The following PDE4D variants were observed in gnomAD, a reference collection of about 807,000 sequenced individuals.
PDE4D encodes the protein 3',5'-cyclic-AMP phosphodiesterase 4D.
PDE4D carries 24 observed loss-of-function variants against 87.4 expected under a neutral mutation model. The observed-to-expected ratio is 0.27, with a 90% CI of 0.20 to 0.39. The LOEUF is 0.39. Ranked by LOEUF, PDE4D falls within the 10% of genes least tolerant of loss-of-function variation. PDE4D has a pLI of 1.00. For missense variants in PDE4D, 714 were observed against 1,041.0 expected (o/e 0.69, Z 4.32); for synonymous variants, 384 against 383.2 (o/e 1.00, Z -0.02).
intron 1 of PDE4D, among the ~76,000 whole-genome samples, chr5:59,407,230 C>T (rs1245086353): frequency 6.6e-6 from 1 of 152,180 alleles, no homozygotes. Context: ...CACCTTCCTT[C>T]CCGCTCTCTC....
At chr5:59,588,713 C>T (rs1358476076) in intron 1 of PDE4D, among the ~76,000 whole-genome samples, 1 of 152,142 alleles carries the variant, frequency 6.6e-6, no homozygotes, top group African/African-American at 2.4e-5. Context: ...GGAAGAAGAA[C>T]TGGGTGATTC....
At chr5:59,452,471 C>A (rs1799312359) in intron 1 of PDE4D, among the ~76,000 whole-genome samples, 1 of 152,168 alleles carries the variant, frequency 6.6e-6, no homozygotes, top group Non-Finnish European at 1.5e-5. Context: ...CAACTACCGC[C>A]CCTGGACTAG....
chr5:60,192,142 T>A (rs1213514401), intron 1 of PDE4D, among the ~76,000 whole-genome samples: 1 of 152,202 alleles, frequency 6.6e-6, no homozygotes, highest in Non-Finnish European at 1.5e-5. Flanking sequence ...ATGAATGTTT[T>A]AATTAATAAG....
chr5:60,334,205 A>C (rs1757550849), intron 1 of PDE4D, among the ~76,000 whole-genome samples: 1 of 152,166 alleles, frequency 6.6e-6, no homozygotes, highest in Non-Finnish European at 1.5e-5. Flanking sequence ...TATGTAAACA[A>C]GTCCTGTATA....
intron 1 of PDE4D, among the ~76,000 whole-genome samples, chr5:60,509,498 A>T (rs1396340552): frequency 6.6e-6 from 1 of 152,232 alleles, no homozygotes; most frequent in Non-Finnish European, 1.5e-5. Context: ...GATAATGAAG[A>T]TTGACCATAC....
intron 1 of PDE4D, among the ~76,000 whole-genome samples, chr5:60,517,677 G>C (rs558907678): frequency 3.3e-4 from 50 of 152,260 alleles, no homozygotes; most frequent in Admixed American, 4.6e-4. Context: ...CTGCAGGCTT[G>C]ACAGGACAAC....
chr5:60,237,648 C>T (rs941514215), intron 1 of PDE4D, among the ~76,000 whole-genome samples: 4 of 151,954 alleles, frequency 2.6e-5, no homozygotes, highest in African/African-American at 9.7e-5. Context: ...ACTATAAAAG[C>T]ATAGCACAAG....
intron 1 of PDE4D, among the ~76,000 whole-genome samples, chr5:59,661,897 G>A (rs1745308524): frequency 6.6e-6 from 1 of 152,168 alleles, no homozygotes; most frequent in South Asian, 2.1e-4. Context: ...AACATTATAT[G>A]CTATTATAGA....
At chr5:60,331,899 T>C (rs906983182) in intron 1 of PDE4D, among the ~76,000 whole-genome samples, 2 of 152,360 alleles carry the variant, frequency 1.3e-5, no homozygotes. Context: ...AGCTATTTTA[T>C]AGGAATGCTA....
intron 2 of PDE4D, among the ~76,000 whole-genome samples, chr5:60,149,903 TA>T (rs1235131071): frequency 6.8e-6 from 1 of 147,506 alleles, no homozygotes; most frequent in Admixed American, 6.8e-5. Flanking sequence ...TTATATATAC[TA>T]GTATATAATT....
At chr5:59,542,241 CA>C (rs1384630052) in intron 1 of PDE4D, among the ~76,000 whole-genome samples, 1 of 152,078 alleles carries the variant, frequency 6.6e-6, no homozygotes, top group Non-Finnish European at 1.5e-5. Context: ...CCCTCACAGC[CA>C]CCCAAATCCT....
intron 1 of PDE4D, among the ~76,000 whole-genome samples, chr5:59,764,332 T>G (rs543923914): frequency 6.6e-5 from 10 of 152,328 alleles, no homozygotes; most frequent in African/African-American, 2.4e-4. Flanking sequence ...ACTTAATTTA[T>G]ACATAATTGT....
chr5:59,520,665 T>TA (rs775783011), intron 1 of PDE4D, among the ~76,000 whole-genome samples: 142 of 148,552 alleles, frequency 9.6e-4, no homozygotes, highest in Non-Finnish European at 1.4e-3. Flanking sequence ...GAACCTTTAT[T>TA]AAAAAAAAAA....
intron 3 of PDE4D, 45 bp downstream of exon 3, chr5:59,193,455 T>C (rs748106637): frequency 6.4e-7 from 1 of 1,572,312 alleles, no homozygotes; most frequent in Admixed American, 1.7e-5. Context: ...CAAATTAAAT[T>C]TTTACATCTG....
chr5:60,432,660 C>A (rs773770038), intron 1 of PDE4D, among the ~76,000 whole-genome samples: 1 of 152,136 alleles, frequency 6.6e-6, no homozygotes, highest in African/African-American at 2.4e-5. Context: ...GGAGGAATCA[C>A]ATCACTTAAC....
intron 1 of PDE4D, among the ~76,000 whole-genome samples, chr5:59,783,284 G>C (rs1045991283): frequency 6.6e-6 from 1 of 152,180 alleles, no homozygotes; most frequent in Non-Finnish European, 1.5e-5. Context: ...ATCTCTCAGG[G>C]TGTGACCCAG....
At chr5:59,809,825 G>A (rs2938783) in intron 1 of PDE4D, among the ~76,000 whole-genome samples, 79,652 of 152,006 alleles carry the variant, frequency 0.52, 21,516 homozygotes, top group African/African-American at 0.61. Flanking sequence ...AGAGTCAGAG[G>A]ACCAGAGTTA....
chr5:59,200,526 C>T (rs1746939918), intron 2 of PDE4D, among the ~76,000 whole-genome samples: 1 of 90,492 alleles, frequency 1.1e-5, no homozygotes, highest in East Asian at 5.5e-4. Context: ...TACAGCTACA[C>T]GTATACATAC....
At chr5:59,036,629 G>C (rs900498674) in intron 6 of PDE4D, among the ~76,000 whole-genome samples, 3 of 152,178 alleles carry the variant, frequency 2.0e-5, no homozygotes, top group African/African-American at 4.8e-5. Context: ...CCTTTAGCAA[G>C]AGCTTTTTTT....
Sources: gnomAD v4.1 joint callset for allele counts (sites outside exome capture counted in the v4.1 genomes callset) on GRCh38, gnomAD v4.1.1 for gene constraint, MANE v1.5 for transcripts, NCBI Gene and HGNC (gene_info 2026-07-23, HGNC 2026-07-21) for gene names.